UPF1: variants seen among roughly 807,000 people sequenced by gnomAD.
UPF1 encodes the protein UPF1 RNA helicase and ATPase, also known as regulator of nonsense transcripts 1.
A neutral mutation model predicts 129.2 loss-of-function variants in UPF1; 9 were observed. That is an observed-to-expected ratio of 0.07 (90% confidence interval 0.04 to 0.12). The LOEUF (loss-of-function observed/expected upper bound fraction) is 0.12, where lower values mean the gene tolerates loss of function less well. UPF1 is among the 10% of genes least tolerant of loss of function. UPF1 has a pLI of 1.00. For synonymous variants in UPF1, 649 were observed against 644.9 expected, an observed-to-expected ratio of 1.01 and a Z score of -0.10; for missense variants, 788 against 1,525.3, an observed-to-expected ratio of 0.52 and a Z score of 8.05.
intron 1 of UPF1, among the ~76,000 whole-genome samples, chr19:18,837,790 G>A (rs555685497): frequency 6.6e-6 from 1 of 152,310 alleles, no homozygotes; most frequent in East Asian, 1.9e-4. Flanking sequence ...CTGGTAGCCT[G>A]TGGGAGTCAC....
At chr19:18,854,437 T>G (rs2055693285) in intron 8 of UPF1, among the ~76,000 whole-genome samples, 164 bp from the exon 9 acceptor site, 1 of 152,210 alleles carries the variant, frequency 6.6e-6, no homozygotes. Flanking sequence ...GTCCTTCTGG[T>G]CTCTGGTCTG....
chr19:18,850,223 G>T lies in UPF1; in HGVS notation c.610G>T (p.Val204Leu). The change falls in exon 4 of 24, where the codon GTG becomes TTG. Residue 204 changes from valine to leucine, a missense_variant. Val to Leu is a conservative substitution (Grantham distance 32). This residue lies in a region of UPF1 where 227 missense variants were observed against 517.9 expected (regional missense o/e 0.44). Transcript: ENST00000262803. This position sits in a 1 kb window ranked among gnomAD's most constrained non-coding sequence, Gnocchi z 7.1. Reference protein sequence around the residue: ...LGFIPAKADSVVVLLCRQPCA... With the variant: ...LGFIPAKADSLVVLLCRQPCA... ...CTTCATCCCGGCCAAAGCTGACTCA[G>T]TGGTGGTGCTGCTGTGCAGGTGAGT... 1 of 1,611,390 alleles carries T rather than the reference G, an allele frequency of 6.2e-7. No homozygotes were observed. The highest frequency in any genetic ancestry group is 8.5e-7 in the Non-Finnish European group (1 of 1,178,586).
At chr19:18,834,593 C>T (rs966295870) in intron 1 of UPF1, among the ~76,000 whole-genome samples, 2 of 152,132 alleles carry the variant, frequency 1.3e-5, no homozygotes, top group African/African-American at 4.8e-5. Flanking sequence ...TGTAATTGAC[C>T]CAGATGCCCC....
At chr19:18,840,939 G>A (rs1232607078) in intron 1 of UPF1, among the ~76,000 whole-genome samples, 3 of 152,232 alleles carry the variant, frequency 2.0e-5, no homozygotes, top group Non-Finnish European at 4.4e-5. Context: ...GCTCTAGAGA[G>A]CCCTTGTGAC....
rs752524244 is a variant in UPF1, at chr19:18,856,265, G to A, written c.1789G>A (p.Ala597Thr). ...LSSADEKRYRALKRTAERELL... is the reference protein window; with the variant it reads ...LSSADEKRYRTLKRTAERELL... ...GTCTGCCGACGAGAAGCGGTACCGGGCCTTGAAGCGCACCGCAGAGAGAGA... is the reference window on the plus strand; with the variant it reads ...GTCTGCCGACGAGAAGCGGTACCGGACCTTGAAGCGCACCGCAGAGAGAGA... The change falls in exon 13 of 24, where the codon GCC (alanine) becomes ACC (threonine). Residue 597 changes from alanine (A) to threonine (T), a missense_variant. By Grantham distance (58) the Ala-to-Thr change is moderately conservative (BLOSUM62 0). This residue lies in a region of UPF1 where 91 missense variants were observed against 157.2 expected (regional missense o/e 0.58). Transcript: ENST00000262803. The A allele has an allele frequency of 6.2e-7, 1 of 1,606,760 alleles. No individual in the cohort carries two copies. The highest frequency in any genetic ancestry group is 1.1e-5 in the South Asian group (1 of 90,978).
intron 1 of UPF1, among the ~76,000 whole-genome samples, chr19:18,844,971 G>A (rs542151280): frequency 1.3e-5 from 2 of 152,404 alleles, no homozygotes; most frequent in African/African-American, 4.8e-5. Flanking sequence ...GTGCGTGCAG[G>A]TAGCACGTGC....
chr19:18,833,828 TG>T (rs765039936), intron 1 of UPF1, among the ~76,000 whole-genome samples: 2 of 152,146 alleles, frequency 1.3e-5, no homozygotes, highest in African/African-American at 2.4e-5. Flanking sequence ...GGGGCTTACG[TG>T]GTAGTCGATT....
chr19:18,831,964 C>G lies in UPF1; in HGVS notation c.-246C>G, dbSNP rs573187170. Reference sequence around the variant, plus strand: ...GCGACGGCGGCGGTGGCGGCAGTTCCTGCTCTAGGCTGCGAGCGGCTGGCG... The same window carrying G: ...GCGACGGCGGCGGTGGCGGCAGTTCGTGCTCTAGGCTGCGAGCGGCTGGCG... On this transcript the variant is annotated 5_prime_UTR_variant, in exon 1 of 24. Coordinates refer to ENST00000262803, the MANE Select transcript of UPF1 (RefSeq NM_002911.4). 207 of 253,502 alleles carry G rather than the reference C, an allele frequency of 8.2e-4. 1 individual carries two copies. The highest frequency in any genetic ancestry group is 1.8e-3 in the Admixed American group (32 of 18,000). The allele number at this position is 253,502 out of a possible 1,614,324, so 15.7% of individuals were successfully genotyped here. A position where few individuals can be genotyped will look rare whatever the true frequency, so the allele number is the denominator to read the frequency against.
Position 18,855,927 on chromosome 19 carries a change from C to T in UPF1, c.1547C>T (p.Pro516Leu), listed in dbSNP as rs767407058. The T allele has an allele frequency of 1.1e-5, 18 of 1,613,506 alleles. No individual in the cohort carries two copies. Among genetic ancestry groups the T allele is most frequent in the Admixed American group, 1.7e-5 (1 of 59,988 alleles). Residue 516 changes from proline to leucine, a missense_variant and splice_region_variant, in exon 12 of 24, where the codon CCG (proline) becomes CTG (leucine). Physicochemically the swap from Pro to Leu is moderately conservative, Grantham distance 98 (BLOSUM62 -3). This residue lies in a region of UPF1 where 91 missense variants were observed against 157.2 expected (regional missense o/e 0.58). Coordinates refer to ENST00000262803, the MANE Select transcript of UPF1 (RefSeq NM_002911.4). ...GAGCTGCCCCAATGGTGTTGCAGGCCGGTGCTGGTGTGTGCTCCGAGCAAC... is the reference window on the plus strand; with the variant it reads ...GAGCTGCCCCAATGGTGTTGCAGGCTGGTGCTGGTGTGTGCTCCGAGCAAC... ...VYHLARQGNG[P>L]VLVCAPSNIA...
At chr19:18,838,488 A>G (rs1454671736) in intron 1 of UPF1, among the ~76,000 whole-genome samples, 1 of 152,132 alleles carries the variant, frequency 6.6e-6, no homozygotes, top group Admixed American at 6.5e-5. Flanking sequence ...GTCTCTACTA[A>G]AAATACAAAA....
chr19:18,865,873 C>T lies in UPF1; in HGVS notation c.3237+95C>T. On this transcript the variant is annotated intron_variant, in intron 22 of 23. Transcript: ENST00000262803. The surrounding 1 kb of genome is among the most constrained non-coding windows in gnomAD (Gnocchi z 6.1). ...AAGAGCCCCAGAGAGCTGGCCTGGC[C>T]CATGTCCACTGTCTGAATTACCTGT... 1 of 1,578,310 alleles carries T rather than the reference C, an allele frequency of 6.3e-7. No individual in the cohort carries two copies.
intron 1 of UPF1, among the ~76,000 whole-genome samples, chr19:18,834,179 TG>T (rs2055458883): frequency 6.6e-6 from 1 of 152,130 alleles, no homozygotes; most frequent in South Asian, 2.1e-4. Flanking sequence ...CCTAGATCCA[TG>T]TGTGAGTCGA....
chr19:18,864,060 G>C (rs1210901352), intron 19 of UPF1, 110 bp from the exon 20 acceptor site: 1 of 941,650 alleles, frequency 1.1e-6, no homozygotes, highest in Non-Finnish European at 1.7e-6. Context: ...CCCTGGCACA[G>C]TGTCAACACC....
In UPF1 at chr19:18,852,267, G is replaced by A. The variant is rs1196281615; in HGVS notation, c.943G>A (p.Asp315Asn). The A allele has an allele frequency of 1.2e-6, 2 of 1,613,672 alleles. No individual in the cohort carries two copies. The highest frequency in any genetic ancestry group is 1.7e-5 in the Admixed American group (1 of 59,988). The stretch of plus-strand genomic sequence containing the variant: ...CGGGCCCCTGGTCAAGCTGGAGGCC[G>A]ACTACGACAAGAAGCTGAAGGAGTC... ...IFGPLVKLEA[D>N]YDKKLKESQT... The change falls in exon 6 of 24, where the codon GAC becomes AAC. Residue 315 changes from aspartate to asparagine, a missense_variant. Around this residue, in one of 6 missense-constraint regions of UPF1, gnomAD observed 227 missense variants for 517.9 expected, o/e 0.44. Coordinates refer to ENST00000262803, the MANE Select transcript of UPF1 (RefSeq NM_002911.4).
Position 18,860,880 on chromosome 19 carries a change from C to T in UPF1, c.2355C>T (p.Ala785=), listed in dbSNP as rs1481923749. 1.2e-6 allele frequency: 2 copies of T among 1,610,356 alleles called. No individual in the cohort carries two copies. The highest frequency in any genetic ancestry group is 1.1e-5 in the South Asian group (1 of 90,458). The change falls in exon 17 of 24, where the codon GCC becomes GCT. Residue 785 remains alanine, a synonymous_variant. Coordinates refer to ENST00000262803, the MANE Select transcript of UPF1 (RefSeq NM_002911.4). ...KITTKLLKAG[A]KPDQIGIITP... is the part of the protein sequence containing the mutation. ...CCACGAAGTTGCTGAAGGCAGGCGC[C>T]AAGCCGGACCAGATTGGCATCATCA... is the stretch of plus-strand genomic sequence containing the variant.
At position 18,850,636 on chromosome 19, in the gene UPF1, C is replaced by T; in HGVS notation, c.630-52C>T. ...AGCATGGGAGGGGGCCCTCCCTGCT[C>T]CGGGGCTTCAGGGACGGGAGCTGGT... On this transcript the variant is annotated intron_variant, in intron 4 of 23. Transcript: ENST00000262803. This position sits in a 1 kb window ranked among gnomAD's most constrained non-coding sequence, Gnocchi z 7.1. The T allele has an allele frequency of 6.7e-7, 1 of 1,497,216 alleles. No individual in the cohort carries two copies. 92.7% of individuals were successfully genotyped at this position (1,497,216 alleles called of 1,614,324 possible).
chr19:18,836,556 C>T (rs954113307), intron 1 of UPF1, among the ~76,000 whole-genome samples: 1 of 152,114 alleles, frequency 6.6e-6, no homozygotes, highest in Non-Finnish European at 1.5e-5. Context: ...AGGCAGGTGA[C>T]AAAGGGCACA....
intron 15 of UPF1, 108 bp downstream of exon 15, chr19:18,857,641 A>G (rs182859048): frequency 2.4e-6 from 3 of 1,266,752 alleles, no homozygotes; most frequent in African/African-American, 1.5e-5. Flanking sequence ...GCGGCTTCAC[A>G]TAGCCACTGC....
chr19:18,845,484 C>T (rs537217470), intron 1 of UPF1, among the ~76,000 whole-genome samples: 1 of 152,168 alleles, frequency 6.6e-6, no homozygotes, highest in Non-Finnish European at 1.5e-5. Flanking sequence ...TCTACTTCAT[C>T]CTCAGGAGAG....
Sources: allele counts gnomAD v4.1 joint callset (sites outside exome capture counted in the v4.1 genomes callset), GRCh38; gene constraint gnomAD v4.1.1; regional missense constraint gnomAD v4.1.1; non-coding constraint Gnocchi (gnomAD v3.1); transcripts MANE v1.5; gene names NCBI Gene and HGNC (gene_info 2026-07-23, HGNC 2026-07-21).